The following BTBD9 variants were observed in gnomAD, a reference collection of about 807,000 sequenced individuals.
BTBD9 encodes BTB domain containing 9, also known as BTB/POZ domain-containing protein 9.
Under a neutral mutation model 64.3 loss-of-function variants are expected in BTBD9, and 49 were observed. The observed-to-expected ratio is 0.76, with a 90% CI of 0.61 to 0.97. BTBD9 has a LOEUF of 0.97. Among genes scored for constraint, BTBD9 ranks in the 50% least tolerant of loss-of-function variants. The pLI, the probability that BTBD9 is intolerant of heterozygous loss-of-function variation, is 0.00. For synonymous variants in BTBD9, 260 were observed against 274.7 expected (o/e 0.95, Z 0.53); for missense variants, 598 against 762.1 (o/e 0.78, Z 2.53).
At chr6:38,272,607 T>C (rs1305466065) in intron 8 of BTBD9, among the ~76,000 whole-genome samples, 4 of 152,122 alleles carry the variant, frequency 2.6e-5, no homozygotes, top group East Asian at 3.9e-4. Flanking sequence ...CTGAGTCTAA[T>C]GTATACAGCT....
rs530832906 is a variant in BTBD9 at position 38,600,743 on chromosome 6, T to C, written c.-27-2622A>G. ...ACTCTTGATGAACAACGATTGATTT[T>C]TGGTTAACCAGCTCAGAAGGGAAAT... On this transcript the variant is annotated intron_variant, in intron 1 of 10. Transcript: ENST00000481247. Among the ~76,000 whole-genome samples, 12 of 152,306 alleles carry C rather than the reference T, an allele frequency of 7.9e-5. No homozygotes were observed. The South Asian group carries it at 1.2e-3, about 16-fold the overall frequency.
chr6:38,368,496 G>A (rs2127603016), intron 6 of BTBD9, among the ~76,000 whole-genome samples: 1 of 152,132 alleles, frequency 6.6e-6, no homozygotes, highest in African/African-American at 2.4e-5. Context: ...CACTGTGCCT[G>A]GCTAATTTTT....
chr6:38,222,491 C>T (rs10947720), intron 9 of BTBD9, among the ~76,000 whole-genome samples: 22,023 of 151,794 alleles, frequency 0.15, 1,736 homozygotes, highest in Admixed American at 0.2. Context: ...GATCTCCTGA[C>T]CTCGTGATCC....
chr6:38,389,233 CA>C (rs779789951), intron 6 of BTBD9, among the ~76,000 whole-genome samples: 7 of 152,132 alleles, frequency 4.6e-5, no homozygotes, highest in Non-Finnish European at 7.4e-5. Context: ...TCCTTTAACT[CA>C]ATACATAAAA....
intron 6 of BTBD9, among the ~76,000 whole-genome samples, chr6:38,538,177 T>G (rs1449883690): frequency 6.6e-6 from 1 of 152,188 alleles, no homozygotes; most frequent in East Asian, 1.9e-4. Context: ...GAAGTACTAA[T>G]TTGTCAGAAA....
intron 1 of BTBD9, among the ~76,000 whole-genome samples, chr6:38,633,556 T>A (rs17544359): frequency 0.12 from 17,812 of 152,204 alleles, 1,235 homozygotes; most frequent in Non-Finnish European, 0.15. Flanking sequence ...TGCCAGAATA[T>A]TTTTGTGTCT....
At chr6:38,416,103 G>A (rs1204970867) in intron 6 of BTBD9, among the ~76,000 whole-genome samples, 4 of 152,288 alleles carry the variant, frequency 2.6e-5, no homozygotes, top group African/African-American at 9.6e-5. Flanking sequence ...AGTACTCTAT[G>A]AGACTGGAGA....
intron 7 of BTBD9, among the ~76,000 whole-genome samples, chr6:38,337,280 C>T (rs549367248): frequency 3.0e-4 from 45 of 152,308 alleles, no homozygotes; most frequent in Admixed American, 8.5e-4. Flanking sequence ...TCACTGGATG[C>T]CAAAAACCCT....
At chr6:38,565,101 A>G (rs2127459871) in intron 6 of BTBD9, among the ~76,000 whole-genome samples, 1 of 152,116 alleles carries the variant, frequency 6.6e-6, no homozygotes, top group East Asian at 1.9e-4. Flanking sequence ...TTTTCTCCAT[A>G]TTCAATCAAT....
At chr6:38,359,045 A>G (rs1299142181) in intron 6 of BTBD9, among the ~76,000 whole-genome samples, 1 of 152,126 alleles carries the variant, frequency 6.6e-6, no homozygotes, top group African/African-American at 2.4e-5. Flanking sequence ...TGCTGGGATT[A>G]CAGGCGTGAG....
At chr6:38,385,721 T>C (rs570557444) in intron 6 of BTBD9, among the ~76,000 whole-genome samples, 2 of 152,224 alleles carry the variant, frequency 1.3e-5, no homozygotes, top group African/African-American at 2.4e-5. Context: ...GAACATTATA[T>C]GTTTTTTGAA....
intron 6 of BTBD9, among the ~76,000 whole-genome samples, chr6:38,572,035 C>A (rs1214967288): frequency 2.0e-5 from 3 of 151,300 alleles, no homozygotes. Flanking sequence ...GAAAATATCA[C>A]CCCCTTCATC....
chr6:38,618,681 C>T (rs1252927830), intron 1 of BTBD9, among the ~76,000 whole-genome samples: 1 of 152,196 alleles, frequency 6.6e-6, no homozygotes, highest in Non-Finnish European at 1.5e-5. Context: ...TAAAGCAGAT[C>T]AGGGTAGACC....
At chr6:38,196,858 C>T (rs571906572) in intron 9 of BTBD9, among the ~76,000 whole-genome samples, 87 of 152,258 alleles carry the variant, frequency 5.7e-4, no homozygotes, top group African/African-American at 2.0e-3. Flanking sequence ...GGTGCCCAGA[C>T]CCACCCACAA....
chr6:38,488,494 C>G (rs775925518), intron 6 of BTBD9, among the ~76,000 whole-genome samples: 7 of 152,316 alleles, frequency 4.6e-5, no homozygotes, highest in Middle Eastern at 3.4e-3. Flanking sequence ...AGGGACGAGG[C>G]AGTGACTTCA....
At chr6:38,192,686 G>A in intron 9 of BTBD9, 89 bp from the exon 10 acceptor site, 1 of 1,187,740 alleles carries the variant, frequency 8.4e-7, no homozygotes, top group Non-Finnish European at 1.2e-6. Flanking sequence ...ACTGAGGAGG[G>A]AGGGCTTCCT....
intron 6 of BTBD9, among the ~76,000 whole-genome samples, chr6:38,471,084 T>C (rs988817890): frequency 5.3e-5 from 8 of 152,204 alleles, no homozygotes; most frequent in East Asian, 1.9e-4. Flanking sequence ...AAACTTACCA[T>C]AGCATCACTA....
intron 6 of BTBD9, among the ~76,000 whole-genome samples, chr6:38,479,065 AG>A (rs1366813632): frequency 6.6e-6 from 1 of 152,232 alleles, no homozygotes; most frequent in African/African-American, 2.4e-5. Flanking sequence ...AAGCTCAAAA[AG>A]TTCTCTGTAA....
intron 8 of BTBD9, among the ~76,000 whole-genome samples, chr6:38,266,435 T>G (rs1265855055): frequency 1.3e-5 from 2 of 151,882 alleles, no homozygotes; most frequent in African/African-American, 4.8e-5. Context: ...TAGCCGGGCG[T>G]GGCAGCGTGC....
Sources: gnomAD v4.1 joint callset for allele counts (sites outside exome capture counted in the v4.1 genomes callset) on GRCh38, gnomAD v4.1.1 for gene constraint, MANE v1.5 for transcripts, NCBI Gene and HGNC (gene_info 2026-07-23, HGNC 2026-07-21) for gene names.